Variants in DRC8 observed in about 807,000 individuals in gnomAD.
The protein encoded by DRC8 is dynein regulatory complex subunit 8.
chr1:245,054,149 G>A, the DRC8 span, among the ~76,000 whole-genome samples: 4 of 151,996 alleles, frequency 2.6e-5, no homozygotes, highest in Non-Finnish European at 5.9e-5. Context: ...ACTTCTGTTT[G>A]TTTTTTGGGG....
At chr1:245,076,487 A>G in the DRC8 span, among the ~76,000 whole-genome samples, 13 of 152,224 alleles carry the variant, frequency 8.5e-5, no homozygotes, top group African/African-American at 3.1e-4. Flanking sequence ...AGTACTGTAG[A>G]ACATCTGTTT....
chr1:245,022,560 A>T, the DRC8 span, among the ~76,000 whole-genome samples: 1 of 152,172 alleles, frequency 6.6e-6, no homozygotes, highest in Non-Finnish European at 1.5e-5. Flanking sequence ...TGTACATGGG[A>T]TAAAATTCTA....
the DRC8 span, among the ~76,000 whole-genome samples, chr1:245,071,410 C>T: frequency 2.2e-4 from 33 of 152,176 alleles, no homozygotes; most frequent in Non-Finnish European, 3.7e-4. Context: ...GTTGAGGTCA[C>T]AGACATAAAT....
the DRC8 span, among the ~76,000 whole-genome samples, chr1:245,012,003 C>T: frequency 6.6e-6 from 1 of 152,094 alleles, no homozygotes; most frequent in Non-Finnish European, 1.5e-5. Context: ...ATCACGAGGT[C>T]AGGAGTTCAA....
the DRC8 span, among the ~76,000 whole-genome samples, chr1:245,072,768 T>C: frequency 6.6e-6 from 1 of 152,166 alleles, no homozygotes; most frequent in Non-Finnish European, 1.5e-5. Context: ...GCTCGGGCCG[T>C]CCCTTGGTGA....
the DRC8 span, among the ~76,000 whole-genome samples, chr1:245,120,628 T>A: frequency 6.6e-6 from 1 of 152,224 alleles, no homozygotes; most frequent in South Asian, 2.1e-4. Flanking sequence ...TCCTTTTATT[T>A]TCAGCATTTT....
At chr1:245,006,246 G>C in the DRC8 span, among the ~76,000 whole-genome samples, 1 of 152,150 alleles carries the variant, frequency 6.6e-6, no homozygotes, top group East Asian at 1.9e-4. Flanking sequence ...TGAGAGAAAG[G>C]AGACTAAAGG....
At chr1:245,071,608 T>C in the DRC8 span, among the ~76,000 whole-genome samples, 2 of 152,326 alleles carry the variant, frequency 1.3e-5, no homozygotes, top group South Asian at 4.1e-4. Context: ...TTTTGCACAT[T>C]GCTAATAGCA....
the DRC8 span, chr1:245,123,168 C>G: frequency 6.6e-6 from 1 of 152,172 alleles, no homozygotes; most frequent in Admixed American, 6.5e-5. The surrounding 1 kb of genome is among the most constrained non-coding windows in gnomAD (Gnocchi z 5.0). Context: ...AGTCAAAACG[C>G]AACTCCAAGT....
At chr1:244,985,076 G>GTTTTTTTTTTTTT in the DRC8 span, among the ~76,000 whole-genome samples, 2 of 130,806 alleles carry the variant, frequency 1.5e-5, no homozygotes, top group African/African-American at 6.2e-5. Flanking sequence ...TGTCTCCAGG[G>GTTTTTTTTTTTTT]TTTTTTTTTT....
the DRC8 span, among the ~76,000 whole-genome samples, chr1:245,083,045 C>G: frequency 6.6e-6 from 1 of 152,160 alleles, no homozygotes; most frequent in East Asian, 1.9e-4. Context: ...TACGGGGATC[C>G]CCAACCACCA....
chr1:245,038,871 C>T, the DRC8 span, among the ~76,000 whole-genome samples: 4,930 of 151,436 alleles, frequency 0.033, 201 homozygotes, highest in East Asian at 0.14. Flanking sequence ...TAAAATTTTA[C>T]ATAATAAAAT....
At chr1:245,082,775 G>A in the DRC8 span, among the ~76,000 whole-genome samples, 1 of 151,964 alleles carries the variant, frequency 6.6e-6, no homozygotes, top group Admixed American at 6.6e-5. Flanking sequence ...CACCATCTTG[G>A]CTCACTGCAA....
At chr1:244,979,004 C>T in the DRC8 span, among the ~76,000 whole-genome samples, 1 of 152,136 alleles carries the variant, frequency 6.6e-6, no homozygotes, top group Admixed American at 6.5e-5. Context: ...GATAGTTGCA[C>T]ATGTATGATG....
the DRC8 span, among the ~76,000 whole-genome samples, chr1:245,019,731 T>A: frequency 1.3e-5 from 2 of 151,914 alleles, no homozygotes; most frequent in Non-Finnish European, 2.9e-5. Flanking sequence ...TCACCTGAGG[T>A]CAGGAATTCA....
chr1:245,006,313 T>C, the DRC8 span, among the ~76,000 whole-genome samples: 1 of 151,916 alleles, frequency 6.6e-6, no homozygotes, highest in South Asian at 2.1e-4. Flanking sequence ...TGTTTATTTA[T>C]TTATTTATTT....
the DRC8 span, among the ~76,000 whole-genome samples, chr1:245,056,213 G>A: frequency 6.6e-6 from 1 of 152,148 alleles, no homozygotes; most frequent in East Asian, 1.9e-4. Context: ...TGTTAATACT[G>A]TACCCAAGGT....
At chr1:244,975,946 T>G in the DRC8 span, among the ~76,000 whole-genome samples, 1 of 151,992 alleles carries the variant, frequency 6.6e-6, no homozygotes, top group Non-Finnish European at 1.5e-5. Flanking sequence ...TCTAGTGAAT[T>G]AGTAAGTATT....
the DRC8 span, among the ~76,000 whole-genome samples, chr1:245,025,871 C>T: frequency 1.3e-5 from 2 of 152,290 alleles, no homozygotes; most frequent in South Asian, 2.1e-4. Context: ...TTTCCTGCCG[C>T]CATGTAAGAT....
Sources: gnomAD v4.1 joint callset for allele counts (sites outside exome capture counted in the v4.1 genomes callset) on GRCh38, gnomAD v4.1.1 for gene constraint, Gnocchi (gnomAD v3.1) non-coding constraint, MANE v1.5 for transcripts, NCBI Gene and HGNC (gene_info 2026-07-23, HGNC 2026-07-21) for gene names.